TPST1: variants seen among roughly 807,000 people sequenced by gnomAD.
TPST1 encodes the protein tyrosylprotein sulfotransferase 1.
In TPST1, 20 loss-of-function variants were observed where a neutral mutation model predicts 34.8. The observed-to-expected ratio is 0.57, with a 90% CI of 0.40 to 0.84. The LOEUF (loss-of-function observed/expected upper bound fraction) is 0.84, where lower values mean the gene tolerates loss of function less well. TPST1 is among the 40% of genes least tolerant of loss of function. The pLI is 0.00. For synonymous variants in TPST1, 152 were observed against 159.4 expected, an observed-to-expected ratio of 0.95 and a Z score of 0.35; for missense variants, 353 against 455.5, an observed-to-expected ratio of 0.78 and a Z score of 2.05.
chr7:66,225,341 G>A (rs759349658), intron 1 of TPST1, among the ~76,000 whole-genome samples: 3 of 152,170 alleles, frequency 2.0e-5, no homozygotes, highest in African/African-American at 4.8e-5. Flanking sequence ...GCCTGGCACA[G>A]TGGCTCACGC....
At chr7:66,216,384 T>G (rs1383959477) in intron 1 of TPST1, among the ~76,000 whole-genome samples, 3 of 149,062 alleles carry the variant, frequency 2.0e-5, no homozygotes, top group African/African-American at 7.5e-5. Flanking sequence ...GTTTTGTTGA[T>G]TTTCTCTGTT....
chr7:66,203,224 CAT>C (rs924643611), upstream of TPST1, among the ~76,000 whole-genome samples: 7 of 151,174 alleles, frequency 4.6e-5, no homozygotes, highest in East Asian at 1.9e-4. Context: ...CACACACACA[CAT>C]ATATATAATT....
At chr7:66,203,433 T>C (rs1295660985), upstream of TPST1, among the ~76,000 whole-genome samples, 1 of 150,298 alleles carries the variant, frequency 6.7e-6, no homozygotes, top group Non-Finnish European at 1.5e-5. Context: ...GGAGATATCA[T>C]ATGTACCTTA....
At chr7:66,324,964 A>T (rs1791834206) in intron 3 of TPST1, among the ~76,000 whole-genome samples, 1 of 152,198 alleles carries the variant, frequency 6.6e-6, no homozygotes, top group African/African-American at 2.4e-5. Context: ...GTTGGTGGCT[A>T]GAGAGAACTT....
At chr7:66,224,663 G>T (rs1789610979) in intron 1 of TPST1, among the ~76,000 whole-genome samples, 1 of 152,046 alleles carries the variant, frequency 6.6e-6, no homozygotes, top group Non-Finnish European at 1.5e-5. Flanking sequence ...CTCTACTTTT[G>T]TTGACTGATC....
At chr7:66,285,646 T>C (rs1791019267) in intron 2 of TPST1, among the ~76,000 whole-genome samples, 1 of 152,260 alleles carries the variant, frequency 6.6e-6, no homozygotes, top group African/African-American at 2.4e-5. Flanking sequence ...TAACTTTTTA[T>C]GTATTACGAT....
intron 5 of TPST1, 101 bp downstream of exon 5, chr7:66,356,972 G>C: frequency 8.6e-7 from 1 of 1,168,404 alleles, no homozygotes; most frequent in Non-Finnish European, 1.3e-6. Context: ...GAGTCCGTCT[G>C]CCAGGGTTGG....
chr7:66,294,304 A>G (rs964210472), intron 3 of TPST1, among the ~76,000 whole-genome samples: 1 of 152,208 alleles, frequency 6.6e-6, no homozygotes. Context: ...TCCAAGGTGA[A>G]AATTCCTTGG....
chr7:66,338,199 C>T (rs1163696858), intron 3 of TPST1, among the ~76,000 whole-genome samples: 1 of 151,928 alleles, frequency 6.6e-6, no homozygotes, highest in Non-Finnish European at 1.5e-5. Context: ...AGTTTTATCA[C>T]ATAAAATAAA....
At chr7:66,339,888 G>T (rs1792200179) in intron 3 of TPST1, among the ~76,000 whole-genome samples, 1 of 147,706 alleles carries the variant, frequency 6.8e-6, no homozygotes, top group Non-Finnish European at 1.5e-5. Context: ...AGGGATGCAA[G>T]GATGATTCAG....
At chr7:66,253,370 CT>C (rs199518226) in intron 2 of TPST1, among the ~76,000 whole-genome samples, 174 of 130,146 alleles carry the variant, frequency 1.3e-3, no homozygotes, top group East Asian at 1.8e-3. Flanking sequence ...AGATCGCTTT[CT>C]TTTTTTTTTT....
At chr7:66,274,620 G>A (rs1790770027) in intron 2 of TPST1, among the ~76,000 whole-genome samples, 1 of 152,148 alleles carries the variant, frequency 6.6e-6, no homozygotes, top group Non-Finnish European at 1.5e-5. Flanking sequence ...GCTCTGCACA[G>A]TAAAGGAAAC....
intron 1 of TPST1, among the ~76,000 whole-genome samples, chr7:66,216,785 A>T (rs754829012): frequency 6.6e-6 from 1 of 152,126 alleles, no homozygotes; most frequent in Non-Finnish European, 1.5e-5. Flanking sequence ...CTCTTTTTCT[A>T]GTTTCTTAAG....
At chr7:66,283,292 T>C (rs558468252) in intron 2 of TPST1, among the ~76,000 whole-genome samples, 1 of 152,160 alleles carries the variant, frequency 6.6e-6, no homozygotes, top group Admixed American at 6.5e-5. Flanking sequence ...CCCCAGGTTA[T>C]CTCCATGAAT....
At chr7:66,345,489 C>CAAAAA (rs58837242) in intron 3 of TPST1, among the ~76,000 whole-genome samples, 2 of 64,866 alleles carry the variant, frequency 3.1e-5, no homozygotes, top group Non-Finnish European at 2.7e-5. Context: ...ACTCCATCTC[C>CAAAAA]AAAAAAAAAA....
At chr7:66,221,269 C>T (rs549639726) in intron 1 of TPST1, among the ~76,000 whole-genome samples, 97 of 151,776 alleles carry the variant, frequency 6.4e-4, no homozygotes, top group Non-Finnish European at 1.2e-3. Context: ...ATTTTTTTTC[C>T]GTAATTATCA....
At chr7:66,334,635 CAAAA>C (rs60341796) in intron 3 of TPST1, among the ~76,000 whole-genome samples, 1 of 112,776 alleles carries the variant, frequency 8.9e-6, no homozygotes, top group Non-Finnish European at 1.8e-5. Flanking sequence ...GACTCCATCT[CAAAA>C]AAAAAAAAAA....
At chr7:66,252,347 C>T (rs1382759381) in intron 2 of TPST1, among the ~76,000 whole-genome samples, 12 of 138,972 alleles carry the variant, frequency 8.6e-5, no homozygotes, top group East Asian at 2.2e-4. Context: ...CTTGAGCCAC[C>T]GCGCCCAGCC....
At chr7:66,265,099 ATTGACT>A (rs1385198128) in intron 2 of TPST1, among the ~76,000 whole-genome samples, 2 of 152,210 alleles carry the variant, frequency 1.3e-5, no homozygotes, top group Non-Finnish European at 2.9e-5. Flanking sequence ...AGGTAGTTCT[ATTGACT>A]TTATCTAATT....
Sources: gnomAD v4.1 joint callset for allele counts (sites outside exome capture counted in the v4.1 genomes callset) on GRCh38, gnomAD v4.1.1 for gene constraint, MANE v1.5 for transcripts, NCBI Gene and HGNC (gene_info 2026-07-23, HGNC 2026-07-21) for gene names.